The following RPL8 variants were observed in gnomAD, a reference collection of about 807,000 sequenced individuals.
RPL8 encodes the protein large ribosomal subunit protein uL2.
For synonymous variants in RPL8, 182 were observed against 143.2 expected (o/e 1.27, Z -1.94); for missense variants, 248 against 365.9 (o/e 0.68, Z 2.63).
At chr8:144,791,076 C>A (rs1826494128) in intron 3 of RPL8, 6 of 601,764 alleles carry the variant, frequency 1.0e-5, no homozygotes, top group Admixed American at 2.9e-5. Flanking sequence ...AACGCCTCAA[C>A]AGCAGTAAAG....
intron 1 of RPL8, 22 bp downstream of exon 1, chr8:144,791,970 C>A (rs748367262): frequency 6.2e-7 from 1 of 1,609,420 alleles, no homozygotes; most frequent in South Asian, 1.1e-5. Context: ...CTTCCCCTCC[C>A]GCCCCGGCCA....
Position 144,792,173 on chromosome 8 carries a change from G to A in RPL8, c.-44C>T, listed in dbSNP as rs1826558797. 6 of 1,447,366 alleles carry A rather than the reference G, an allele frequency of 4.1e-6. No individual in the cohort carries two copies. In the South Asian group the frequency reaches 5.8e-5, roughly 14 times the overall value. The allele number at this position is 1,447,366 out of a possible 1,614,324, so 89.7% of individuals were successfully genotyped here. ...CGACTCACGATTAGCGCGGCCGGGC[G>A]GCCCGGGTACCCCCGCCAGCCCGGC... On this transcript the variant is annotated 5_prime_UTR_variant, in exon 1 of 5. Transcript: ENST00000528957.
In RPL8 at chr8:144,790,449, C is replaced by A. The variant is rs1485727207; in HGVS notation, c.521G>T (p.Arg174Leu). 1 of 1,613,652 alleles carries A rather than the reference C, an allele frequency of 6.2e-7. No individual in the cohort carries two copies. Among genetic ancestry groups the A allele is most frequent in the Admixed American group, 1.7e-5 (1 of 60,006 alleles). Residue 174 changes from arginine (R) to leucine (L), a missense_variant, in exon 4 of 5, where the codon CGA becomes CTA. Arg to Leu is a moderately radical substitution (Grantham distance 102). Transcript: ENST00000528957. The part of the protein sequence containing the change: ...AVVGVVAGGG[R>L]IDKPILKAGR... ...AGCCTTCAAGATGGGTTTGTCAATTCGGCCACCTCCAGCCACCACACCTGT... is the reference window on the plus strand; with the variant it reads ...AGCCTTCAAGATGGGTTTGTCAATTAGGCCACCTCCAGCCACCACACCTGT...
At position 144,791,987 on chromosome 8, in the gene RPL8, C is replaced by A. The variant is rs1400058311; in HGVS notation, c.138+5G>T. On this transcript the variant is annotated splice_donor_5th_base_variant and intron_variant, in intron 1 of 4. Coordinates refer to ENST00000528957, the MANE Select transcript of RPL8 (RefSeq NM_001317782.2). ...TCCCCTCCCGCCCCGGCCAGCGTTC[C>A]GCACCTTGACGATGCCCTTGATGTA... 1 of 1,608,546 alleles carries A rather than the reference C, an allele frequency of 6.2e-7. No individual in the cohort carries two copies. Among genetic ancestry groups the A allele is most frequent in the African/African-American group, 1.3e-5 (1 of 74,786 alleles).
Position 144,792,010 on chromosome 8 carries a change from G to A in RPL8, c.120C>T (p.Tyr40=), listed in dbSNP as rs896063495. 28 of 1,608,878 alleles carry A rather than the reference G, an allele frequency of 1.7e-5. No homozygotes were observed. The highest frequency in any genetic ancestry group is 2.2e-5 in the Non-Finnish European group (26 of 1,177,922). ...TCCGCACCTTGACGATGCCCTTGAT[G>A]TAGCCGTGCCGCTCAGCGAAATCCA... ...RAVDFAERHG[Y]IKGIVKDIIH... is the part of the protein sequence containing the mutation. Residue 40 remains tyrosine (Y), a synonymous_variant, in exon 1 of 5, where the codon TAC becomes TAT. Coordinates refer to ENST00000528957, the MANE Select transcript of RPL8 (RefSeq NM_001317782.2).
chr8:144,789,808 TTC>T lies in RPL8; in HGVS notation c.768_769del (p.Asn257LeufsTer?). 1 of 1,613,392 alleles carries T rather than the reference TTC, an allele frequency of 6.2e-7. No individual in the cohort carries two copies. Among genetic ancestry groups the T allele is most frequent in the East Asian group, 2.2e-5 (1 of 44,868 alleles). On this transcript the variant is annotated frameshift_variant, in exon 5 of 5. Coordinates refer to ENST00000528957, the MANE Select transcript of RPL8 (RefSeq NM_001317782.2). LOFTEE classifies it high-confidence loss of function. ...ACTTTATTGAGGCCCTCAGCACTAG[TTC>T]TCTTTCTCCTGCACAGTCTTGGTTC... is the stretch of plus-strand genomic sequence containing the variant.
rs1826562008 is a variant in RPL8 at position 144,792,236 on chromosome 8, A to T, written c.-107T>A. 2 of 1,372,370 alleles carry T rather than the reference A, an allele frequency of 1.5e-6. No individual in the cohort carries two copies. Among genetic ancestry groups the T allele is most frequent in the Non-Finnish European group, 1.9e-6 (2 of 1,065,664 alleles). 85.0% of individuals were successfully genotyped at this position (1,372,370 alleles called of 1,614,324 possible). A position where few individuals can be genotyped will look rare whatever the true frequency, so the allele number is the denominator to read the frequency against. On this transcript the variant is annotated 5_prime_UTR_variant, in exon 1 of 5. Transcript: ENST00000528957. ...CGCCCCCGAGGCCGCCGCGCCCACCACTCCCTACCCTCTCCGCGGGCGCCC... is the reference window on the plus strand; with the variant it reads ...CGCCCCCGAGGCCGCCGCGCCCACCTCTCCCTACCCTCTCCGCGGGCGCCC...
Position 144,792,345 on chromosome 8 carries a change from A to C in RPL8, c.-216T>G, listed in dbSNP as rs1014795363. The C allele has an allele frequency of 1.4e-6, 1 of 734,354 alleles. No homozygotes were observed. The highest frequency in any genetic ancestry group is 3.4e-5 in the East Asian group (1 of 29,040). The allele number at this position is 734,354 out of a possible 1,614,324, so 45.5% of individuals were successfully genotyped here. ...TGGCGGCGGATACTGCCCATGCCGC[A>C]AGGCCGCAAGGATGACCTACCTGTT... On this transcript the variant is annotated 5_prime_UTR_variant, in exon 1 of 5. Coordinates refer to ENST00000528957, the MANE Select transcript of RPL8 (RefSeq NM_001317782.2).
Position 144,791,812 on chromosome 8 carries a change from C to A in RPL8, c.241G>T (p.Gly81Cys). 1 of 1,613,982 alleles carries A rather than the reference C, an allele frequency of 6.2e-7. No individual in the cohort carries two copies. Among genetic ancestry groups the A allele is most frequent in the Non-Finnish European group, 8.5e-7 (1 of 1,180,028 alleles). The change falls in exon 2 of 5, where the codon GGC becomes TGC. Residue 81 changes from glycine (G) to cysteine (C), a missense_variant. Transcript: ENST00000528957. ...TACACAAACTGGCCCGTGTGAATGC[C>A]CTCGGCGGCAATGAACAGCTCCGTC... The part of the protein sequence containing the change: ...KRTELFIAAE[G>C]IHTGQFVYCG...
In RPL8 at chr8:144,792,273, C is replaced by T; in HGVS notation, c.-144G>A. ...CTCCGCGGGCGCCCGCACCGGCATC[C>T]TCTCAGGAGGGCCGGTCCGGGTCTC... On this transcript the variant is annotated 5_prime_UTR_variant, in exon 1 of 5. Coordinates refer to ENST00000528957, the MANE Select transcript of RPL8 (RefSeq NM_001317782.2). 8.3e-7 allele frequency: 1 copy of T among 1,207,462 alleles called. No individual in the cohort carries two copies. 74.8% of individuals were successfully genotyped at this position (1,207,462 alleles called of 1,614,324 possible). A position where few individuals can be genotyped will look rare whatever the true frequency, so the allele number is the denominator to read the frequency against.
chr8:144,791,326 C>T lies in RPL8; in HGVS notation c.450G>A (p.Leu150=), dbSNP rs1027616829. 3 of 1,612,832 alleles carry T rather than the reference C, an allele frequency of 1.9e-6. No individual in the cohort carries two copies. Among genetic ancestry groups the T allele is most frequent in the Admixed American group, 3.3e-5 (2 of 60,016 alleles). Residue 150 remains leucine (L), a synonymous_variant, in exon 3 of 5, where the codon CTG becomes CTA. Coordinates refer to ENST00000528957, the MANE Select transcript of RPL8 (RefSeq NM_001317782.2). ...NPETKKTRVK[L]PSGSKKVISS... ...AGATAACCTTCTTGGAGCCGGAGGG[C>T]AGCTTCACACGGGTCTTCTTGGTCT...
At position 144,791,798 on chromosome 8, in the gene RPL8, G is replaced by T. The variant is rs1242024924; in HGVS notation, c.255C>A (p.Gly85=). 1.9e-6 allele frequency: 3 copies of T among 1,613,814 alleles called. No homozygotes were observed. The highest frequency in any genetic ancestry group is 8.5e-7 in the Non-Finnish European group (1 of 1,180,034). The part of the protein sequence containing the change: ...LFIAAEGIHT[G]QFVYCGKKAQ... ...CCTTCTTGCCGCAATACACAAACTG[G>T]CCCGTGTGAATGCCCTCGGCGGCAA... Residue 85 remains glycine, a synonymous_variant, in exon 2 of 5, where the codon GGC becomes GGA. Transcript: ENST00000528957.
In RPL8 at chr8:144,792,348, G is replaced by T. The variant is rs138875716; in HGVS notation, c.-219C>A. 2.7e-3 allele frequency: 1,968 copies of T among 734,910 alleles called. 34 individuals are homozygous for T. In the African/African-American group the frequency reaches 0.032, roughly 12 times the overall value. 45.5% of individuals were successfully genotyped at this position (734,910 alleles called of 1,614,324 possible). The stretch of plus-strand genomic sequence containing the variant: ...CGGCGGATACTGCCCATGCCGCAAG[G>T]CCGCAAGGATGACCTACCTGTTCAC... On this transcript the variant is annotated 5_prime_UTR_variant, in exon 1 of 5. Transcript: ENST00000528957.
intron 3 of RPL8, chr8:144,790,769 G>C (rs565363429): frequency 6.4e-6 from 4 of 621,162 alleles, no homozygotes; most frequent in Middle Eastern, 2.5e-4. Context: ...TCAACCTGAC[G>C]TAAGACACTT....
At chr8:144,790,608 C>T in intron 3 of RPL8, 138 bp from the exon 4 acceptor site, 3 of 704,646 alleles carry the variant, frequency 4.3e-6, no homozygotes, top group Non-Finnish European at 7.7e-6. Flanking sequence ...CCCTAGGGAG[C>T]CCCTTGCACC....
At chr8:144,791,225 C>T in intron 3 of RPL8, 52 bp downstream of exon 3, 3 of 1,561,424 alleles carry the variant, frequency 1.9e-6, no homozygotes, top group Non-Finnish European at 2.6e-6. Flanking sequence ...CACCGGCACT[C>T]ACAGCATGTT....
At chr8:144,791,036 G>C in intron 3 of RPL8, 1 of 560,928 alleles carries the variant, frequency 1.8e-6, no homozygotes, top group Non-Finnish European at 3.2e-6. Flanking sequence ...TAGAATCCAA[G>C]ACCCTGGTGA....
In RPL8 at chr8:144,791,860, C is replaced by T. The variant is rs1237676272; in HGVS notation, c.193G>A (p.Asp65Asn). Residue 65 changes from aspartate to asparagine, a missense_variant, in exon 2 of 5, where the codon GAT (aspartate) becomes AAT (asparagine). Coordinates refer to ENST00000528957, the MANE Select transcript of RPL8 (RefSeq NM_001317782.2). Reference protein sequence around the residue: ...GAPLAKVVFRDPYRFKKRTEL... With the variant: ...GAPLAKVVFRNPYRFKKRTEL... ...GTCCGCTTCTTAAACCGATACGGAT[C>T]CCGGAAGACCACCTTGGCGAGGGGC... 1.2e-6 allele frequency: 2 copies of T among 1,613,812 alleles called. No homozygotes were observed. The highest frequency in any genetic ancestry group is 1.7e-5 in the Admixed American group (1 of 60,038).
In RPL8 at chr8:144,792,051, C is replaced by T; in HGVS notation, c.79G>A (p.Ala27Thr). 6.2e-7 allele frequency: 1 copy of T among 1,609,110 alleles called. No homozygotes were observed. The highest frequency in any genetic ancestry group is 8.5e-7 in the Non-Finnish European group (1 of 1,178,510). ...GCGAAATCCACGGCGCGCAGGCGCG[C>T]AGCGCCTTTACGGTGCTTCACGTGC... ...RAHVKHRKGA[A>T]RLRAVDFAER... The change falls in exon 1 of 5, where the codon GCG becomes ACG. Residue 27 changes from alanine to threonine, a missense_variant. Ala to Thr is a moderately conservative substitution (Grantham distance 58, BLOSUM62 0). Transcript: ENST00000528957.
Sources: allele counts gnomAD v4.1 joint callset, GRCh38; gene constraint gnomAD v4.1.1; transcripts MANE v1.5; gene names NCBI Gene and HGNC (gene_info 2026-07-23, HGNC 2026-07-21).